LRRC3B: variants seen among roughly 807,000 people sequenced by gnomAD.
LRRC3B encodes leucine rich repeat containing 3B.
A neutral mutation model predicts 12.8 loss-of-function variants in LRRC3B; 2 were observed. The ratio of observed to expected loss-of-function variants is 0.16; its 90% CI spans 0.06 to 0.49. The LOEUF (loss-of-function observed/expected upper bound fraction) is 0.49, where lower values mean the gene tolerates loss of function less well. LRRC3B is among the 20% of genes least tolerant of loss of function. The pLI is 0.96. For missense variants in LRRC3B, 189 were observed against 319.4 expected, an observed-to-expected ratio of 0.59 and a Z score of 3.11; for synonymous variants, 132 against 122.0, an observed-to-expected ratio of 1.08 and a Z score of -0.54.
intron 1 of LRRC3B, 56 bp downstream of exon 1, chr3:26,623,293 G>C (rs1698551593): frequency 6.6e-6 from 1 of 152,412 alleles, no homozygotes; most frequent in Admixed American, 6.5e-5. Flanking sequence ...CCTCTGCCCG[G>C]GTACCTAGGC....
intron 1 of LRRC3B, among the ~76,000 whole-genome samples, chr3:26,707,976 C>A (rs1055441422): frequency 1.3e-5 from 2 of 152,192 alleles, no homozygotes; most frequent in Non-Finnish European, 1.5e-5. Context: ...AGCACGTCTG[C>A]TCCATTCTGC....
chr3:26,636,856 CCCTCCCTCCCTT>C (rs1698889653), intron 1 of LRRC3B, among the ~76,000 whole-genome samples: 1 of 94,538 alleles, frequency 1.1e-5, no homozygotes, highest in African/African-American at 5.1e-5. Flanking sequence ...CTCCCTCCCT[CCCTCCCTCCCTT>C]CCTTCCTTCC....
chr3:26,685,509 CTCTCTCTCTCTCTCTATATATATATA>C (rs1156687168), intron 1 of LRRC3B, among the ~76,000 whole-genome samples: 14 of 51,148 alleles, frequency 2.7e-4, no homozygotes, highest in African/African-American at 8.5e-4. Context: ...CTCTCTCTCT[CTCTCTCTCTCTCTCTATATATATATA>C]TATATATATA....
intron 1 of LRRC3B, among the ~76,000 whole-genome samples, chr3:26,689,526 T>G (rs1254958051): frequency 6.6e-6 from 1 of 152,204 alleles, no homozygotes; most frequent in Non-Finnish European, 1.5e-5. Context: ...AATACTGTTG[T>G]TTCCATTTCC....
chr3:26,660,503 A>C (rs1440103495), intron 1 of LRRC3B, among the ~76,000 whole-genome samples: 1 of 152,208 alleles, frequency 6.6e-6, no homozygotes, highest in African/African-American at 2.4e-5. Context: ...TGATTTAATA[A>C]AAGGAGAACC....
chr3:26,705,402 A>G (rs1049656835), intron 1 of LRRC3B, among the ~76,000 whole-genome samples: 1 of 151,948 alleles, frequency 6.6e-6, no homozygotes, highest in African/African-American at 2.4e-5. Flanking sequence ...AGATGGGGAC[A>G]GGGTAGTCCA....
chr3:26,710,565 T>G (rs900930680), exon 2 of LRRC3B: 13 of 1,126,512 alleles, frequency 1.2e-5, no homozygotes, highest in Non-Finnish European at 1.6e-5. Context: ...TATTTCAGTT[T>G]CTTTTGAATT....
intron 1 of LRRC3B, among the ~76,000 whole-genome samples, chr3:26,672,036 A>G (rs1699759683): frequency 6.6e-6 from 1 of 152,178 alleles, no homozygotes; most frequent in Non-Finnish European, 1.5e-5. Flanking sequence ...CGTTTCAATA[A>G]CGTGTTCTCT....
intron 1 of LRRC3B, among the ~76,000 whole-genome samples, chr3:26,648,810 C>T (rs1469884742): frequency 1.3e-5 from 2 of 152,208 alleles, no homozygotes; most frequent in Admixed American, 6.5e-5. Context: ...GCAGTTGCAA[C>T]ACCGAACTTG....
At chr3:26,644,040 T>C (rs1310457759) in intron 1 of LRRC3B, among the ~76,000 whole-genome samples, 1 of 152,226 alleles carries the variant, frequency 6.6e-6, no homozygotes, top group Non-Finnish European at 1.5e-5. Context: ...GTGTACGAAT[T>C]ATTTTTTGGT....
Position 26,629,553 on chromosome 3 carries a change from C to G in LRRC3B, c.-161+6316C>G, listed in dbSNP as rs138429857. Among the ~76,000 whole-genome samples the G allele has an allele frequency of 1.1e-4, 17 of 152,306 alleles. No individual in the cohort carries two copies. In the East Asian group the frequency reaches 3.1e-3, roughly 28 times the overall value. ...AGCAGTATGCTTTCCCTATGCTGCA[C>G]TGGGAATTTATACACTGAGAAGAGT... On this transcript the variant is annotated intron_variant, in intron 1 of 1. Transcript: ENST00000396641.
intron 1 of LRRC3B, among the ~76,000 whole-genome samples, chr3:26,678,749 A>G (rs1382310266): frequency 6.6e-6 from 1 of 152,220 alleles, no homozygotes; most frequent in Non-Finnish European, 1.5e-5. Flanking sequence ...GGGTTATCCA[A>G]TACCCAATTC....
At chr3:26,651,020 G>C (rs1699254400) in intron 1 of LRRC3B, among the ~76,000 whole-genome samples, 1 of 152,160 alleles carries the variant, frequency 6.6e-6, no homozygotes, top group South Asian at 2.1e-4. Flanking sequence ...CCACACTTGT[G>C]GTGTTTATAT....
chr3:26,685,482 T>TCTCC (rs1293424496), intron 1 of LRRC3B, among the ~76,000 whole-genome samples: 2 of 100,310 alleles, frequency 2.0e-5, no homozygotes, highest in African/African-American at 8.4e-5. Flanking sequence ...TGGTAGACTC[T>TCTCC]CTCCCTCTCT....
At chr3:26,697,991 C>T (rs561618232) in intron 1 of LRRC3B, among the ~76,000 whole-genome samples, 12 of 152,210 alleles carry the variant, frequency 7.9e-5, no homozygotes, top group African/African-American at 2.6e-4. Context: ...CTTGGAATAA[C>T]ATGAAAAAGT....
intron 1 of LRRC3B, among the ~76,000 whole-genome samples, chr3:26,677,403 A>G (rs1699882391): frequency 6.6e-6 from 1 of 152,178 alleles, no homozygotes; most frequent in Admixed American, 6.5e-5. Context: ...TCACAACCCC[A>G]GGCAGGAGGC....
chr3:26,693,323 C>T (rs1700232682), intron 1 of LRRC3B, among the ~76,000 whole-genome samples: 1 of 119,358 alleles, frequency 8.4e-6, no homozygotes, highest in African/African-American at 3.3e-5. Context: ...AGCGAAACTC[C>T]GTCTCAAAAA....
intron 1 of LRRC3B, among the ~76,000 whole-genome samples, chr3:26,678,087 G>C (rs1699898527): frequency 6.6e-6 from 1 of 152,100 alleles, no homozygotes; most frequent in Non-Finnish European, 1.5e-5. Context: ...AAAGTGCTCG[G>C]TTTACAGGTG....
At chr3:26,669,808 C>T (rs941241595) in intron 1 of LRRC3B, among the ~76,000 whole-genome samples, 1 of 152,162 alleles carries the variant, frequency 6.6e-6, no homozygotes, top group East Asian at 1.9e-4. Context: ...AACAGATACC[C>T]CTCACAGGCT....
Sources: gnomAD v4.1 joint callset for allele counts (sites outside exome capture counted in the v4.1 genomes callset) on GRCh38, gnomAD v4.1.1 for gene constraint, MANE v1.5 for transcripts, NCBI Gene and HGNC (gene_info 2026-07-23, HGNC 2026-07-21) for gene names.